The following NAA30 variants were observed in gnomAD, a reference collection of about 807,000 sequenced individuals.
NAA30 encodes the protein N-alpha-acetyltransferase 30.
Under a neutral mutation model 31.4 loss-of-function variants are expected in NAA30, and 5 were observed. The ratio of observed to expected loss-of-function variants is 0.16; its 90% CI spans 0.08 to 0.33. The LOEUF (loss-of-function observed/expected upper bound fraction) is 0.33. NAA30 is among the 10% of genes least tolerant of loss of function. The pLI, the probability that NAA30 is intolerant of heterozygous loss-of-function variation, is 1.00. For synonymous variants in NAA30, 222 were observed against 207.1 expected, an observed-to-expected ratio of 1.07 and a Z score of -0.62; for missense variants, 428 against 490.8, an observed-to-expected ratio of 0.87 and a Z score of 1.21.
chr14:57,407,353 C>A (rs866807667), intron 4 of NAA30, among the ~76,000 whole-genome samples: 10 of 151,996 alleles, frequency 6.6e-5, no homozygotes, highest in African/African-American at 2.4e-4. Flanking sequence ...AGCATTGGTC[C>A]CTGCTGTTGT....
At chr14:57,403,305 T>C (rs1208732362) in intron 4 of NAA30, among the ~76,000 whole-genome samples, 1 of 152,020 alleles carries the variant, frequency 6.6e-6, no homozygotes, top group Non-Finnish European at 1.5e-5. Context: ...CAATTTTTAC[T>C]TTCTATTCTG....
chr14:57,391,348 G>T lies in NAA30; in HGVS notation c.391G>T (p.Gly131Trp). The T allele has an allele frequency of 1.2e-6, 2 of 1,611,974 alleles. No individual in the cohort carries two copies. The stretch of plus-strand genomic sequence containing the variant: ...CAGAGCGACTGCAACAAAAGGAGCC[G>T]GGGTACACTCGGGCGAGAGGCCCCC... ...GPRATATKGA[G>W]VHSGERPPHS... is the part of the protein sequence containing the mutation. The change falls in exon 2 of 5, where the codon GGG (glycine) becomes TGG (tryptophan). Residue 131 changes from glycine (G) to tryptophan (W), a missense_variant. By Grantham distance (184) the Gly-to-Trp change is radical (BLOSUM62 -2). This residue lies in a region of NAA30 where 349 missense variants were observed against 310.4 expected (regional missense o/e 1.12). Transcript: ENST00000556492. The surrounding 1 kb of genome is among the most constrained non-coding windows in gnomAD (Gnocchi z 4.1).
rs192094001 is a variant in NAA30, at chr14:57,412,927, A to T, written c.*3411A>T. 1 of 152,242 alleles carries T rather than the reference A, an allele frequency of 6.6e-6. No homozygotes were observed. Among genetic ancestry groups the T allele is most frequent in the Middle Eastern group, 3.2e-3 (1 of 316 alleles). 9.4% of individuals were successfully genotyped at this position (152,242 alleles called of 1,614,324 possible). A position where few individuals can be genotyped will look rare whatever the true frequency, so the allele number is the denominator to read the frequency against. On this transcript the variant is annotated 3_prime_UTR_variant, in exon 5 of 5. Transcript: ENST00000556492. ...TCACTGTTGTGTGTTCTGACAAAGT[A>T]AATTTGAAAATAACATGAACTTGAT... is the stretch of plus-strand genomic sequence containing the variant.
In NAA30 at chr14:57,406,572, A is replaced by G. The variant is rs182802983; in HGVS notation, c.952-2807A>G. Among the ~76,000 whole-genome samples the G allele has an allele frequency of 4.0e-3, 604 of 152,352 alleles. 13 individuals are homozygous for G. The highest frequency in any genetic ancestry group is 0.034 in the Admixed American group (513 of 15,298). ...AGGGTTATTGTGAAAATAAAACTAC[A>G]TAATACATATAGAATGCTTTACATT... On this transcript the variant is annotated intron_variant, in intron 4 of 4. Coordinates refer to ENST00000556492, the MANE Select transcript of NAA30 (RefSeq NM_001011713.3).
At chr14:57,400,005 T>C in intron 4 of NAA30, 122 bp downstream of exon 4, 1 of 484,852 alleles carries the variant, frequency 2.1e-6, no homozygotes, top group Non-Finnish European at 3.6e-6. Flanking sequence ...ATGCAGCTTG[T>C]GGGGAAAATT....
At chr14:57,397,669 A>G (rs2066457246) in intron 3 of NAA30, among the ~76,000 whole-genome samples, 1 of 152,204 alleles carries the variant, frequency 6.6e-6, no homozygotes. Context: ...GCTCACGCCT[A>G]TAATCCCAGC....
In NAA30 at chr14:57,391,789, G is replaced by C; in HGVS notation, c.771+61G>C. 7.2e-7 allele frequency: 1 copy of C among 1,379,734 alleles called. No individual in the cohort carries two copies. The highest frequency in any genetic ancestry group is 9.9e-7 in the Non-Finnish European group (1 of 1,007,158). 85.5% of individuals were successfully genotyped at this position (1,379,734 alleles called of 1,614,324 possible). ...AGTGATCGAGACTGTGCGGGGCAGG[G>C]AGTGAGGGCCCAGAATGTGGCAGTG... is the stretch of plus-strand genomic sequence containing the variant. On this transcript the variant is annotated intron_variant, in intron 2 of 4. Transcript: ENST00000556492. The surrounding 1 kb of genome is among the most constrained non-coding windows in gnomAD (Gnocchi z 4.1).
chr14:57,404,538 A>G (rs548056060), intron 4 of NAA30, among the ~76,000 whole-genome samples: 1 of 152,194 alleles, frequency 6.6e-6, no homozygotes, highest in Admixed American at 6.5e-5. Flanking sequence ...AAAACTTGGG[A>G]AACAGAAGAA....
rs536756010 is a variant in NAA30, at chr14:57,390,866, C to A, written c.-1-91C>A. The stretch of plus-strand genomic sequence containing the variant: ...GGACGGTTTCTGCCTTTGTTCCCCC[C>A]ACCTCGGCCGCCCCCCATCCGTCGC... On this transcript the variant is annotated intron_variant, in intron 1 of 4. Transcript: ENST00000556492. The A allele has an allele frequency of 7.3e-5, 97 of 1,337,282 alleles. 1 individual carries two copies. The South Asian group carries it at 1.5e-3, about 20-fold the overall frequency. 82.8% of individuals were successfully genotyped at this position (1,337,282 alleles called of 1,614,324 possible).
chr14:57,414,101 G>A lies in NAA30; in HGVS notation c.*4585G>A, dbSNP rs1594755328. 1 of 152,298 alleles carries A rather than the reference G, an allele frequency of 6.6e-6. No individual in the cohort carries two copies. The highest frequency in any genetic ancestry group is 1.5e-5 in the Non-Finnish European group (1 of 68,038). 9.4% of individuals were successfully genotyped at this position (152,298 alleles called of 1,614,324 possible). On this transcript the variant is annotated 3_prime_UTR_variant, in exon 5 of 5. Coordinates refer to ENST00000556492, the MANE Select transcript of NAA30 (RefSeq NM_001011713.3). ...TAACAGGAAGGGAGTGTTTGTATAG[G>A]TTGAAAGATAAAATGGAAGGATCAC... is the stretch of plus-strand genomic sequence containing the variant.
rs779435513 is a variant in NAA30 at position 57,399,920 on chromosome 14, G to A, written c.951+37G>A. 12 of 958,384 alleles carry A rather than the reference G, an allele frequency of 1.3e-5. No homozygotes were observed. In the African/African-American group the frequency reaches 1.8e-4, roughly 14 times the overall value. The allele number at this position is 958,384 out of a possible 1,614,324, so 59.4% of individuals were successfully genotyped here. A position where few individuals can be genotyped will look rare whatever the true frequency, so the allele number is the denominator to read the frequency against. Reference sequence around the variant, plus strand: ...AAAATGTTTAATATTTTTTATCTGGGCATTATTCTTTCTGGGTATTTTTAA... The same window carrying A: ...AAAATGTTTAATATTTTTTATCTGGACATTATTCTTTCTGGGTATTTTTAA... On this transcript the variant is annotated intron_variant, in intron 4 of 4. Transcript: ENST00000556492.
In NAA30 at chr14:57,415,790, A is replaced by G. The variant is rs1004600789; in HGVS notation, c.*6274A>G. On this transcript the variant is annotated 3_prime_UTR_variant, in exon 5 of 5. Transcript: ENST00000556492. ...TGAACCTGCTGCCTTTATACTTTTG[A>G]CACCTCCCTCCCTCCCTCCCTCCAA... The G allele has an allele frequency of 1.3e-5, 2 of 151,884 alleles. No individual in the cohort carries two copies. Among genetic ancestry groups the G allele is most frequent in the South Asian group, 4.2e-4 (2 of 4,804 alleles). 9.4% of individuals were successfully genotyped at this position (151,884 alleles called of 1,614,324 possible).
intron 4 of NAA30, among the ~76,000 whole-genome samples, chr14:57,408,869 C>T (rs1356523760): frequency 6.6e-6 from 1 of 152,130 alleles, no homozygotes; most frequent in African/African-American, 2.4e-5. Context: ...AAACAGCAGG[C>T]ACATTTGGCC....
In NAA30 at chr14:57,414,347, C is replaced by A. The variant is rs2139770288; in HGVS notation, c.*4831C>A. ...TTTGACCACTTTCCACCCCACCAAC[C>A]ACTGCCCTTGTTATGTAGCCTTTCT... On this transcript the variant is annotated 3_prime_UTR_variant, in exon 5 of 5. Transcript: ENST00000556492. The A allele has an allele frequency of 6.6e-6, 1 of 152,354 alleles. No individual in the cohort carries two copies. The highest frequency in any genetic ancestry group is 1.9e-4 in the East Asian group (1 of 5,190). The allele number at this position is 152,354 out of a possible 1,614,324, so 9.4% of individuals were successfully genotyped here.
At position 57,415,299 on chromosome 14, in the gene NAA30, T is replaced by C. The variant is rs925069571; in HGVS notation, c.*5783T>C. ...GTATAAGTATTTAGTGAGATTTGTA[T>C]TCTAGGAAGTGTGTGCCGTCACTTG... On this transcript the variant is annotated 3_prime_UTR_variant, in exon 5 of 5. Transcript: ENST00000556492. 1 of 152,226 alleles carries C rather than the reference T, an allele frequency of 6.6e-6. No homozygotes were observed. 9.4% of individuals were successfully genotyped at this position (152,226 alleles called of 1,614,324 possible).
In NAA30 at chr14:57,415,156, G is replaced by T. The variant is rs183609265; in HGVS notation, c.*5640G>T. The T allele has an allele frequency of 6.6e-6, 1 of 152,222 alleles. No homozygotes were observed. Among genetic ancestry groups the T allele is most frequent in the Admixed American group, 6.5e-5 (1 of 15,292 alleles). 9.4% of individuals were successfully genotyped at this position (152,222 alleles called of 1,614,324 possible). ...TTACCATATACTAGGAGAAGGACCT[G>T]CTTTTAAAGAAATTGTGTAAAGACA... On this transcript the variant is annotated 3_prime_UTR_variant, in exon 5 of 5. Transcript: ENST00000556492.
chr14:57,403,608 A>ATC (rs1193456639), intron 4 of NAA30, among the ~76,000 whole-genome samples: 5 of 152,244 alleles, frequency 3.3e-5, no homozygotes, highest in Non-Finnish European at 7.3e-5. Context: ...TCAAAACAAG[A>ATC]AACAAGTGGA....
intron 4 of NAA30, among the ~76,000 whole-genome samples, chr14:57,407,744 G>A (rs182982141): frequency 1.2e-4 from 18 of 152,256 alleles, no homozygotes; most frequent in Admixed American, 3.9e-4. Flanking sequence ...ATCAGTAAAC[G>A]GTTTTAAGTA....
Position 57,409,459 on chromosome 14 carries a change from G to C in NAA30, c.1032G>C (p.Leu344=), listed in dbSNP as rs757667781. The stretch of plus-strand genomic sequence containing the variant: ...TTGGTTTTGTTCGAGATAAGAGGCT[G>C]TTCAGATACTATTTAAATGGAGTTG... ...ENLGFVRDKR[L]FRYYLNGVDA... The change falls in exon 5 of 5, where the codon CTG becomes CTC. Residue 344 remains leucine (L), a synonymous_variant. Coordinates refer to ENST00000556492, the MANE Select transcript of NAA30 (RefSeq NM_001011713.3). The C allele has an allele frequency of 9.9e-6, 16 of 1,611,422 alleles. No homozygotes were observed. The highest frequency in any genetic ancestry group is 1.3e-5 in the Non-Finnish European group (15 of 1,178,922).
Sources: gnomAD v4.1 joint callset for allele counts (sites outside exome capture counted in the v4.1 genomes callset) on GRCh38, gnomAD v4.1.1 for gene constraint, gnomAD v4.1.1 regional missense constraint, Gnocchi (gnomAD v3.1) non-coding constraint, MANE v1.5 for transcripts, NCBI Gene and HGNC (gene_info 2026-07-23, HGNC 2026-07-21) for gene names.